CIP2A: variants seen among roughly 807,000 people sequenced by gnomAD.
CIP2A encodes the protein cellular inhibitor of PP2A.
A neutral mutation model predicts 110.9 loss-of-function variants in CIP2A; 103 were observed. The ratio of observed to expected loss-of-function variants is 0.93; its 90% CI spans 0.79 to 1.09. The LOEUF (loss-of-function observed/expected upper bound fraction) is 1.09. Among genes scored for constraint, CIP2A ranks in the 50% least tolerant of loss-of-function variants. The probability of loss-of-function intolerance (pLI) is 0.00; values close to 1 mark genes in which losing one functional copy is unlikely to be tolerated. For synonymous variants in CIP2A, 381 were observed against 361.6 expected (o/e 1.05, Z -0.61); for missense variants, 1,088 against 1,038.4 (o/e 1.05, Z -0.66).
intron 18 of CIP2A, among the ~76,000 whole-genome samples, 164 bp from the exon 19 acceptor site, chr3:108,553,894 T>TACAAAA (rs1303036231): frequency 0.047 from 2,314 of 49,668 alleles, 708 homozygotes; most frequent in African/African-American, 0.12. Context: ...CTACTAAAAA[T>TACAAAA]ATAAAAAAAA....
chr3:108,565,040 TC>T (rs1364853430), intron 12 of CIP2A, among the ~76,000 whole-genome samples: 2 of 151,852 alleles, frequency 1.3e-5, no homozygotes, highest in East Asian at 3.9e-4. Context: ...ATATCACTCT[TC>T]CTCCAATGCC....
intron 14 of CIP2A, 67 bp downstream of exon 14, chr3:108,560,582 C>A: frequency 1.1e-6 from 1 of 880,452 alleles, no homozygotes; most frequent in Non-Finnish European, 1.7e-6. Context: ...TGTTTAGATA[C>A]ACGTTATAAT....
At position 108,575,833 on chromosome 3, in the gene CIP2A, T is replaced by TATATACAC. The variant is rs1938609739; in HGVS notation, c.894+437_894+438insGTGTATAT. Among the ~76,000 whole-genome samples, 2 of 32,118 alleles carry TATATACAC rather than the reference T, an allele frequency of 6.2e-5. 1 individual carries two copies. Among genetic ancestry groups the TATATACAC allele is most frequent in the South Asian group, 3.3e-3 (2 of 610 alleles). The allele number at this position is 32,118 out of a possible 152,430, so 21.1% of individuals were successfully genotyped here. A position where few individuals can be genotyped will look rare whatever the true frequency, so the allele number is the denominator to read the frequency against. On this transcript the variant is annotated intron_variant, in intron 8 of 20. Coordinates refer to ENST00000295746, the MANE Select transcript of CIP2A (RefSeq NM_020890.3). Reference sequence around the variant, plus strand: ...ATACTCATATACATGTGTATATACGTGTATATATACTCATATACATGTGTA... The same window carrying TATATACAC: ...ATACTCATATACATGTGTATATACGTATATACACGTATATATACTCATATACATGTGTA...
At chr3:108,578,001 A>G (rs1289220230) in intron 7 of CIP2A, among the ~76,000 whole-genome samples, 1 of 152,218 alleles carries the variant, frequency 6.6e-6, no homozygotes, top group Non-Finnish European at 1.5e-5. Context: ...GTGATTTTCT[A>G]AAGCTGTAAT....
intron 17 of CIP2A, among the ~76,000 whole-genome samples, chr3:108,555,795 C>A (rs1576297948): frequency 6.6e-6 from 1 of 152,262 alleles, no homozygotes; most frequent in African/African-American, 2.4e-5. Flanking sequence ...AAACTTAAAC[C>A]AATGTATAAC....
At chr3:108,573,944 A>C (rs1359237637) in intron 8 of CIP2A, among the ~76,000 whole-genome samples, 1 of 152,142 alleles carries the variant, frequency 6.6e-6, no homozygotes, top group Non-Finnish European at 1.5e-5. Context: ...TATATGTGAA[A>C]GTTAAAAAAA....
At position 108,583,074 on chromosome 3, in the gene CIP2A, A is replaced by G; in HGVS notation, c.260T>C (p.Ile87Thr). Residue 87 changes from isoleucine to threonine, a missense_variant, in exon 3 of 21, where the codon ATT becomes ACT. Coordinates refer to ENST00000295746, the MANE Select transcript of CIP2A (RefSeq NM_020890.3). ...IGLLSQLAVD[I>T]ETRDCLQNTY... ...ATTCTGAAGACAATCTCTGGTTTCA[A>G]TGTCTACTGCTATAAGTTAAAATAA... 6.3e-7 allele frequency: 1 copy of G among 1,585,586 alleles called. No individual in the cohort carries two copies. Among genetic ancestry groups the G allele is most frequent in the Non-Finnish European group, 8.6e-7 (1 of 1,160,432 alleles).
intron 8 of CIP2A, among the ~76,000 whole-genome samples, chr3:108,573,169 T>C (rs1325125088): frequency 1.3e-5 from 2 of 152,092 alleles, no homozygotes; most frequent in East Asian, 1.9e-4. Context: ...TGATCCTTTT[T>C]ATGTGTCACT....
chr3:108,583,062 T>A lies in CIP2A; in HGVS notation c.272A>T (p.Asp91Val). 1 of 1,597,922 alleles carries A rather than the reference T, an allele frequency of 6.3e-7. No individual in the cohort carries two copies. The highest frequency in any genetic ancestry group is 8.5e-7 in the Non-Finnish European group (1 of 1,171,664). Residue 91 changes from aspartate to valine, a missense_variant, in exon 3 of 21, where the codon GAT becomes GTT. Transcript: ENST00000295746. Reference sequence around the variant, plus strand: ...CAGATTATATGTATTCTGAAGACAATCTCTGGTTTCAATGTCTACTGCTAT... The same window carrying A: ...CAGATTATATGTATTCTGAAGACAAACTCTGGTTTCAATGTCTACTGCTAT... Reference protein sequence around the residue: ...SQLAVDIETRDCLQNTYNLNS... With the variant: ...SQLAVDIETRVCLQNTYNLNS...
chr3:108,560,629 A>T lies in CIP2A; in HGVS notation c.1827+20T>A, dbSNP rs375517641. On this transcript the variant is annotated intron_variant, in intron 14 of 20. Coordinates refer to ENST00000295746, the MANE Select transcript of CIP2A (RefSeq NM_020890.3). ...TATAGCTAATATGTACCAGGTTATA[A>T]TTGCTATTTTTTCACTCACCACCAT... 1 of 1,511,982 alleles carries T rather than the reference A, an allele frequency of 6.6e-7. No homozygotes were observed. The allele number at this position is 1,511,982 out of a possible 1,614,324, so 93.7% of individuals were successfully genotyped here.
chr3:108,559,712 T>C (rs1937932553), intron 16 of CIP2A, 45 bp downstream of exon 16: 2 of 1,137,464 alleles, frequency 1.8e-6, no homozygotes, highest in East Asian at 5.0e-5. Flanking sequence ...ATGTTTTACT[T>C]ATTAATTTTT....
chr3:108,552,162 T>C (rs1937609341), intron 20 of CIP2A, 72 bp downstream of exon 20: 2 of 1,237,814 alleles, frequency 1.6e-6, no homozygotes, highest in Admixed American at 2.7e-5. Flanking sequence ...GTACATTCCT[T>C]TATCCATATT....
rs752217665 is a variant in CIP2A, at chr3:108,560,750, T to C, written c.1726A>G (p.Ser576Gly). Reference sequence around the variant, plus strand: ...AAACACTTTATTGATGTTGGAAAACTGTGATTTGATGATTGCCAGGGCATT... The same window carrying C: ...AAACACTTTATTGATGTTGGAAAACCGTGATTTGATGATTGCCAGGGCATT... ...RKMPWQSSNH[S>G]FPTSIKCLTP... The change falls in exon 14 of 21, where the codon AGT (serine) becomes GGT (glycine). Residue 576 changes from serine (S) to glycine (G), a missense_variant. By Grantham distance (56) the Ser-to-Gly change is moderately conservative (BLOSUM62 0). Coordinates refer to ENST00000295746, the MANE Select transcript of CIP2A (RefSeq NM_020890.3). 12 of 1,612,624 alleles carry C rather than the reference T, an allele frequency of 7.4e-6. No individual in the cohort carries two copies. Among genetic ancestry groups the C allele is most frequent in the Non-Finnish European group, 1.0e-5 (12 of 1,178,924 alleles).
intron 14 of CIP2A, 22 bp from the exon 15 acceptor site, chr3:108,560,050 A>G (rs1559690905): frequency 7.0e-7 from 1 of 1,419,026 alleles, no homozygotes; most frequent in Non-Finnish European, 9.7e-7. Context: ...GAGTAAAAAA[A>G]CTTAAAATTT....
intron 16 of CIP2A, 107 bp downstream of exon 16, chr3:108,559,650 C>G: frequency 1.9e-6 from 1 of 539,888 alleles, no homozygotes; most frequent in Non-Finnish European, 3.0e-6. Context: ...ATGTCAAATG[C>G]TAAGGAGAAT....
At chr3:108,570,132 G>T (rs939802678) in intron 8 of CIP2A, among the ~76,000 whole-genome samples, 2 of 151,546 alleles carry the variant, frequency 1.3e-5, no homozygotes, top group Non-Finnish European at 2.9e-5. Flanking sequence ...TATAAACTGG[G>T]CCTTATACCA....
At chr3:108,560,916 G>A (rs1374392411) in intron 13 of CIP2A, 75 bp from the exon 14 acceptor site, 2 of 1,017,412 alleles carry the variant, frequency 2.0e-6, no homozygotes, top group African/African-American at 1.7e-5. Context: ...GCAGAATTAG[G>A]GAATTTTTAA....
intron 1 of CIP2A, among the ~76,000 whole-genome samples, chr3:108,587,369 G>A (rs1939077616): frequency 6.6e-6 from 1 of 152,054 alleles, no homozygotes; most frequent in Non-Finnish European, 1.5e-5. Context: ...AGCGGTACAT[G>A]TGCAACATGA....
At chr3:108,569,296 T>TGAACTGTAAGTTTAC (rs1463062412) in intron 9 of CIP2A, 93 bp downstream of exon 9, 5 of 926,510 alleles carry the variant, frequency 5.4e-6, no homozygotes, top group Non-Finnish European at 8.6e-6. Flanking sequence ...CTCAAGTGTA[T>TGAACTGTAAGTTTAC]GAACTGTAAG....
Sources: allele counts gnomAD v4.1 joint callset (sites outside exome capture counted in the v4.1 genomes callset), GRCh38; gene constraint gnomAD v4.1.1; transcripts MANE v1.5; gene names NCBI Gene and HGNC (gene_info 2026-07-23, HGNC 2026-07-21).